HARS1: variants seen among roughly 807,000 people sequenced by gnomAD.
The protein encoded by HARS1 is histidyl-tRNA synthetase 1.
Under a neutral mutation model 63.6 loss-of-function variants are expected in HARS1, and 45 were observed. The ratio of observed to expected loss-of-function variants is 0.71; its 90% CI spans 0.56 to 0.91. The LOEUF is 0.91. Among genes scored for constraint, HARS1 ranks in the 40% least tolerant of loss-of-function variants. The pLI is 0.00. For synonymous variants in HARS1, 205 were observed against 247.1 expected, an observed-to-expected ratio of 0.83 and a Z score of 1.60; for missense variants, 508 against 643.2, an observed-to-expected ratio of 0.79 and a Z score of 2.27.
At chr5:140,677,216 T>TACAC in intron 8 of HARS1, 100 bp from the exon 9 acceptor site, 8 of 1,369,788 alleles carry the variant, frequency 5.8e-6, no homozygotes, top group Non-Finnish European at 7.3e-6. Flanking sequence ...CATGTGTGTG[T>TACAC]ACATATGCAT....
At chr5:140,683,070 C>T in intron 3 of HARS1, 30 bp downstream of exon 3, 1 of 1,606,910 alleles carries the variant, frequency 6.2e-7, no homozygotes, top group Non-Finnish European at 8.5e-7. Flanking sequence ...CACTCATCTA[C>T]CATGTAGTTT....
In HARS1 at chr5:140,691,256, G is replaced by A; in HGVS notation, c.49C>T (p.Arg17Cys). ...LEELVKLQGE[R>C]VRGLKQQKAS... ...TTCTGCTGCTTGAGGCCTCGCACGCGCTCTCCCTGAAGTTTCACCAGCTCC... is the reference window on the plus strand; with the variant it reads ...TTCTGCTGCTTGAGGCCTCGCACGCACTCTCCCTGAAGTTTCACCAGCTCC... The change falls in exon 1 of 13, where the codon CGC (arginine) becomes TGC (cysteine). Residue 17 changes from arginine (R) to cysteine (C), a missense_variant. Physicochemically the swap from Arg to Cys is radical, Grantham distance 180. This residue lies in a region of HARS1 where 105 missense variants were observed against 94.5 expected (regional missense o/e 1.11). Transcript: ENST00000504156. 2 of 1,608,222 alleles carry A rather than the reference G, an allele frequency of 1.2e-6. No homozygotes were observed. Among genetic ancestry groups the A allele is most frequent in the Non-Finnish European group, 1.7e-6 (2 of 1,179,350 alleles).
intron 12 of HARS1, 45 bp from the exon 13 acceptor site, chr5:140,674,373 C>T: frequency 7.7e-7 from 1 of 1,306,706 alleles, no homozygotes; most frequent in Non-Finnish European, 1.1e-6. Context: ...TCTTCCATTC[C>T]ACTGCTCCCC....
rs531466840 is a variant in HARS1 at position 140,683,154 on chromosome 5, A to C, written c.246T>G (p.Arg82=). The change falls in exon 3 of 13, where the codon CGT becomes CGG. Residue 82 remains arginine, a synonymous_variant. Transcript: ENST00000504156. ...VREKVFDVII[R]CFKRHGAEVI... ...CTTCTGCACCGTGGCGCTTGAAGCAACGGATGATTACGTCAAACACCTTCT... is the reference window on the plus strand; with the variant it reads ...CTTCTGCACCGTGGCGCTTGAAGCACCGGATGATTACGTCAAACACCTTCT... The C allele has an allele frequency of 3.7e-6, 6 of 1,613,780 alleles. No homozygotes were observed. The highest frequency in any genetic ancestry group is 5.1e-6 in the Non-Finnish European group (6 of 1,179,726).
Position 140,690,963 on chromosome 5 carries a change from C to A in HARS1, c.91-19G>T. 6.9e-7 allele frequency: 1 copy of A among 1,443,310 alleles called. No individual in the cohort carries two copies. Among genetic ancestry groups the A allele is most frequent in the Non-Finnish European group, 9.8e-7 (1 of 1,024,740 alleles). 89.4% of individuals were successfully genotyped at this position (1,443,310 alleles called of 1,614,324 possible). A position where few individuals can be genotyped will look rare whatever the true frequency, so the allele number is the denominator to read the frequency against. On this transcript the variant is annotated intron_variant, in intron 1 of 12. Transcript: ENST00000504156. ...CCTCGATCTGTGGAGGGAAAGAAGG[C>A]GCTGAGCTATCCATCTGTCACTCTC...
rs1375907325 is a variant in HARS1, at chr5:140,679,544, C to T, written c.396+244G>A. The T allele has an allele frequency of 2.1e-6, 1 of 466,348 alleles. No homozygotes were observed. The highest frequency in any genetic ancestry group is 2.0e-5 in the African/African-American group (1 of 49,656). 28.9% of individuals were successfully genotyped at this position (466,348 alleles called of 1,614,324 possible). A position where few individuals can be genotyped will look rare whatever the true frequency, so the allele number is the denominator to read the frequency against. On this transcript the variant is annotated intron_variant, in intron 4 of 12. Coordinates refer to ENST00000504156, the MANE Select transcript of HARS1 (RefSeq NM_002109.6). This position sits in a 1 kb window ranked among gnomAD's most constrained non-coding sequence, Gnocchi z 4.3. ...GGGCAGGGGAGAGGTATTCTGGAGC[C>T]AGGGGATGACTGTAGAGTTGGAACT...
intron 2 of HARS1, among the ~76,000 whole-genome samples, chr5:140,686,662 G>A (rs984148773): frequency 1.3e-5 from 2 of 150,266 alleles, no homozygotes; most frequent in South Asian, 2.1e-4. Flanking sequence ...GTGCAATGAC[G>A]CGATCTCGGC....
intron 2 of HARS1, 34 bp downstream of exon 2, chr5:140,690,821 C>A (rs773784936): frequency 8.3e-7 from 1 of 1,203,922 alleles, no homozygotes. Context: ...GAGTTAGAGA[C>A]TTTCTCAGTG....
intron 6 of HARS1, 21 bp from the exon 7 acceptor site, chr5:140,677,774 G>C (rs746386173): frequency 1.8e-5 from 28 of 1,520,846 alleles, no homozygotes; most frequent in Non-Finnish European, 2.5e-5. Flanking sequence ...CCAATGCATA[G>C]TGAGGGGGGA....
At chr5:140,686,897 T>C (rs1463372574) in intron 2 of HARS1, among the ~76,000 whole-genome samples, 1 of 152,178 alleles carries the variant, frequency 6.6e-6, no homozygotes, top group Non-Finnish European at 1.5e-5. Context: ...CCTGACTAAG[T>C]TTTCTAAAAT....
chr5:140,679,590 G>A lies in HARS1; in HGVS notation c.396+198C>T, dbSNP rs1758595863. On this transcript the variant is annotated intron_variant, in intron 4 of 12. Transcript: ENST00000504156. The surrounding 1 kb of genome is among the most constrained non-coding windows in gnomAD (Gnocchi z 4.3). ...GAACTGGGCCCTGACATCAAGCTGAGGTCTCACTCAGGATTCAGAAGATTT... is the reference window on the plus strand; with the variant it reads ...GAACTGGGCCCTGACATCAAGCTGAAGTCTCACTCAGGATTCAGAAGATTT... 11 of 506,832 alleles carry A rather than the reference G, an allele frequency of 2.2e-5. No homozygotes were observed. Among genetic ancestry groups the A allele is most frequent in the Admixed American group, 7.5e-5 (2 of 26,762 alleles). The allele number at this position is 506,832 out of a possible 1,614,324, so 31.4% of individuals were successfully genotyped here. A position where few individuals can be genotyped will look rare whatever the true frequency, so the allele number is the denominator to read the frequency against.
intron 2 of HARS1, chr5:140,683,546 C>A: frequency 9.3e-7 from 1 of 1,069,758 alleles, no homozygotes. Flanking sequence ...AAACACCTAC[C>A]TGAGGCCAGG....
In HARS1 at chr5:140,676,964, G is replaced by A. The variant is rs1758410004; in HGVS notation, c.951+25C>T. The A allele has an allele frequency of 6.2e-7, 1 of 1,614,076 alleles. No homozygotes were observed. On this transcript the variant is annotated intron_variant, in intron 9 of 12. Transcript: ENST00000504156. The surrounding 1 kb of genome is among the most constrained non-coding windows in gnomAD (Gnocchi z 4.1). ...GACCTGAAGCCCCAGAGCTCAGAAG[G>A]GATCCCGTCCCCAACTTGACTCACT...
intron 2 of HARS1, 95 bp downstream of exon 2, chr5:140,690,760 T>G: frequency 1.3e-6 from 1 of 787,074 alleles, no homozygotes; most frequent in South Asian, 1.4e-5. Context: ...GCATTTCAGA[T>G]CCTCCTCAAT....
intron 2 of HARS1, among the ~76,000 whole-genome samples, chr5:140,687,159 G>C (rs1195962775): frequency 1.3e-5 from 2 of 152,176 alleles, no homozygotes; most frequent in African/African-American, 4.8e-5. Context: ...GTGCAGAAGT[G>C]CTTTATGTGT....
At chr5:140,684,302 A>C in intron 2 of HARS1, 2 of 950,116 alleles carry the variant, frequency 2.1e-6, no homozygotes, top group African/African-American at 3.7e-5. Context: ...CAAAAACAAA[A>C]ACAAAAACAA....
intron 2 of HARS1, chr5:140,683,470 CT>C: frequency 8.2e-7 from 1 of 1,212,728 alleles, no homozygotes; most frequent in Non-Finnish European, 1.0e-6. Context: ...TCTTAGAACT[CT>C]TTTCTTTAAG....
At position 140,674,319 on chromosome 5, in the gene HARS1, G is replaced by GGAC; in HGVS notation, c.1465_1467dup (p.Val489dup). ...ATTTCCTCCACAAGGTCTTCTCTTC[G>GGAC]GACATCCACCTGGCCAGGATGGGAG... On this transcript the variant is annotated inframe_insertion, in exon 13 of 13. Coordinates refer to ENST00000504156, the MANE Select transcript of HARS1 (RefSeq NM_002109.6). 1 of 1,609,692 alleles carries GGAC rather than the reference G, an allele frequency of 6.2e-7. No individual in the cohort carries two copies. The highest frequency in any genetic ancestry group is 1.1e-5 in the South Asian group (1 of 90,994).
chr5:140,677,837 C>T (rs1187685137), intron 6 of HARS1, 71 bp downstream of exon 6: 18 of 1,372,862 alleles, frequency 1.3e-5, no homozygotes, highest in African/African-American at 4.3e-5. Flanking sequence ...GCTACTGGTC[C>T]CTCTGCACAA....
Sources: allele counts gnomAD v4.1 joint callset (sites outside exome capture counted in the v4.1 genomes callset), GRCh38; gene constraint gnomAD v4.1.1; regional missense constraint gnomAD v4.1.1; non-coding constraint Gnocchi (gnomAD v3.1); transcripts MANE v1.5; gene names NCBI Gene and HGNC (gene_info 2026-07-23, HGNC 2026-07-21).